Variants in PIP5K1B observed in about 807,000 individuals in gnomAD.
PIP5K1B encodes phosphatidylinositol 4-phosphate 5-kinase type-1 beta.
PIP5K1B carries 42 observed loss-of-function variants against 67.0 expected under a neutral mutation model. The observed-to-expected ratio is 0.63, with a 90% CI of 0.49 to 0.81. The LOEUF (loss-of-function observed/expected upper bound fraction) is 0.81. Ranked by LOEUF, PIP5K1B falls within the 30% of genes least tolerant of loss-of-function variation. PIP5K1B has a pLI of 0.00. For missense variants in PIP5K1B, 459 were observed against 646.3 expected (o/e 0.71, Z 3.14); for synonymous variants, 214 against 231.4 (o/e 0.92, Z 0.68).
intron 1 of PIP5K1B, among the ~76,000 whole-genome samples, chr9:68,733,257 A>G (rs1828542050): frequency 6.6e-6 from 1 of 152,192 alleles, no homozygotes; most frequent in African/African-American, 2.4e-5. Context: ...GGTGCTGGTT[A>G]TTCCTCCAGT....
chr9:68,806,941 G>GT (rs1401370225), intron 2 of PIP5K1B, among the ~76,000 whole-genome samples: 7 of 97,656 alleles, frequency 7.2e-5, no homozygotes, highest in African/African-American at 3.1e-4. Flanking sequence ...TTTTGGCCTT[G>GT]GTTTTTTTTT....
At chr9:68,737,658 G>A (rs1828803567) in intron 1 of PIP5K1B, among the ~76,000 whole-genome samples, 1 of 152,168 alleles carries the variant, frequency 6.6e-6, no homozygotes, top group Non-Finnish European at 1.5e-5. Context: ...TTGGAGAGTG[G>A]CAGAGGTTCC....
At chr9:68,760,859 C>T (rs1354357011) in intron 2 of PIP5K1B, among the ~76,000 whole-genome samples, 2 of 152,070 alleles carry the variant, frequency 1.3e-5, no homozygotes, top group Non-Finnish European at 2.9e-5. Context: ...GTATTTTTGG[C>T]TTCATTCTAA....
At chr9:68,965,317 G>C (rs538264397) in intron 14 of PIP5K1B, among the ~76,000 whole-genome samples, 1 of 152,202 alleles carries the variant, frequency 6.6e-6, no homozygotes, top group Non-Finnish European at 1.5e-5. Flanking sequence ...TGGGGGCAGA[G>C]GGTGTCCCTG....
In PIP5K1B at chr9:68,863,542, G is replaced by A. The variant is rs72720037; in HGVS notation, c.70-295G>A. On this transcript the variant is annotated intron_variant, in intron 4 of 15. Coordinates refer to ENST00000265382, the MANE Select transcript of PIP5K1B (RefSeq NM_003558.4). ...AAATATTGGTGTCCCCATGCTGTAT[G>A]TTTTAGCACAGATTAATGTAAGAAA... is the stretch of plus-strand genomic sequence containing the variant. Among the ~76,000 whole-genome samples the A allele has an allele frequency of 7.3e-3, 1,106 of 152,324 alleles. 6 individuals are homozygous for A. The highest frequency in any genetic ancestry group is 0.011 in the Non-Finnish European group (725 of 68,028).
intron 8 of PIP5K1B, among the ~76,000 whole-genome samples, chr9:68,907,247 A>G (rs1348960689): frequency 6.6e-6 from 1 of 152,164 alleles, no homozygotes; most frequent in Admixed American, 6.6e-5. Flanking sequence ...ACCATTGGAA[A>G]CATAGGGTCC....
intron 2 of PIP5K1B, among the ~76,000 whole-genome samples, chr9:68,810,471 T>C (rs1427045538): frequency 6.6e-6 from 1 of 152,242 alleles, no homozygotes; most frequent in Non-Finnish European, 1.5e-5. Context: ...ATAAAGTGTT[T>C]GTTTTTATGG....
intron 1 of PIP5K1B, among the ~76,000 whole-genome samples, chr9:68,713,744 G>T (rs1273853210): frequency 6.6e-6 from 1 of 152,188 alleles, no homozygotes; most frequent in African/African-American, 2.4e-5. Flanking sequence ...GGTAGTCACA[G>T]AGCCTGCCAA....
chr9:68,931,743 A>G (rs961888471), intron 12 of PIP5K1B, among the ~76,000 whole-genome samples: 35 of 152,224 alleles, frequency 2.3e-4, no homozygotes, highest in African/African-American at 8.2e-4. Context: ...AAAAGTGAAC[A>G]TGGAGGCAGT....
At chr9:68,718,491 C>T (rs1827733523) in intron 1 of PIP5K1B, among the ~76,000 whole-genome samples, 1 of 152,152 alleles carries the variant, frequency 6.6e-6, no homozygotes, top group Admixed American at 6.5e-5. Context: ...TAAGCCTGCT[C>T]ATTTTCATTG....
intron 4 of PIP5K1B, among the ~76,000 whole-genome samples, chr9:68,837,483 G>A (rs897564350): frequency 1.3e-5 from 2 of 151,936 alleles, no homozygotes; most frequent in South Asian, 4.2e-4. Context: ...TGATTTATGT[G>A]TATTATTATT....
intron 14 of PIP5K1B, among the ~76,000 whole-genome samples, chr9:68,961,316 T>C (rs1828736253): frequency 1.3e-5 from 2 of 152,168 alleles, no homozygotes; most frequent in South Asian, 4.1e-4. Context: ...GGAGTAACTA[T>C]TAATGAGCAC....
At chr9:68,757,703 T>C (rs757742460) in intron 2 of PIP5K1B, among the ~76,000 whole-genome samples, 1 of 152,164 alleles carries the variant, frequency 6.6e-6, no homozygotes, top group Non-Finnish European at 1.5e-5. Flanking sequence ...AAACTGATAC[T>C]CATTTAGTTA....
chr9:68,989,385 G>T (rs960597910), intron 14 of PIP5K1B, among the ~76,000 whole-genome samples: 2 of 152,026 alleles, frequency 1.3e-5, no homozygotes, highest in African/African-American at 4.8e-5. Context: ...CCTGGAAGGG[G>T]TCGCAGAGGA....
At chr9:68,929,964 C>A (rs1308914326) in intron 12 of PIP5K1B, among the ~76,000 whole-genome samples, 1 of 152,246 alleles carries the variant, frequency 6.6e-6, no homozygotes, top group African/African-American at 2.4e-5. Flanking sequence ...GCCACCGCAC[C>A]CAGCCTCTTT....
intron 5 of PIP5K1B, among the ~76,000 whole-genome samples, chr9:68,864,313 A>G (rs928833078): frequency 6.6e-6 from 1 of 152,240 alleles, no homozygotes; most frequent in Non-Finnish European, 1.5e-5. Context: ...GAAGGCTTCC[A>G]TGAAGCAGCA....
At chr9:68,979,662 A>G (rs980948458) in intron 14 of PIP5K1B, among the ~76,000 whole-genome samples, 5 of 152,120 alleles carry the variant, frequency 3.3e-5, no homozygotes, top group African/African-American at 7.2e-5. Flanking sequence ...TGTCCTCACA[A>G]TGAATAAACC....
At chr9:68,739,056 A>G (rs973826793) in intron 1 of PIP5K1B, among the ~76,000 whole-genome samples, 3 of 152,192 alleles carry the variant, frequency 2.0e-5, no homozygotes, top group Non-Finnish European at 4.4e-5. Flanking sequence ...AATCCTGGCC[A>G]CCGTTGGCAT....
chr9:68,940,329 T>C (rs947758418), intron 13 of PIP5K1B, among the ~76,000 whole-genome samples: 6 of 152,232 alleles, frequency 3.9e-5, no homozygotes, highest in African/African-American at 1.4e-4. Flanking sequence ...AATTGTCTGC[T>C]TTAACTCCTA....
Sources: allele counts gnomAD v4.1 joint callset (sites outside exome capture counted in the v4.1 genomes callset), GRCh38; gene constraint gnomAD v4.1.1; transcripts MANE v1.5; gene names NCBI Gene and HGNC (gene_info 2026-07-23, HGNC 2026-07-21).